The following PXDC1 variants were observed in gnomAD, a reference collection of about 807,000 sequenced individuals.
The protein encoded by PXDC1 is PX domain containing 1.
A neutral mutation model predicts 24.4 loss-of-function variants in PXDC1; 13 were observed. That is an observed-to-expected ratio of 0.53 (90% CI 0.35 to 0.85). The LOEUF (loss-of-function observed/expected upper bound fraction) is 0.85, where lower values mean the gene tolerates loss of function less well. Among genes scored for constraint, PXDC1 ranks in the 40% least tolerant of loss-of-function variants. The probability of loss-of-function intolerance (pLI) is 0.01; values close to 1 mark genes in which losing one functional copy is unlikely to be tolerated. For missense variants in PXDC1, 344 were observed against 309.3 expected, an observed-to-expected ratio of 1.11 and a Z score of -0.84; for synonymous variants, 162 against 124.9, an observed-to-expected ratio of 1.30 and a Z score of -1.98.
intron 1 of PXDC1, chr6:3,750,967 C>G (rs1233699514): frequency 8.8e-6 from 3 of 340,958 alleles, no homozygotes; most frequent in Non-Finnish European, 1.1e-5. Flanking sequence ...GCCCCGGGCG[C>G]CCCCGCCCTC....
rs1271220649 is a variant in PXDC1, at chr6:3,729,382, C to T, written c.467-1720G>A. ...AAAATGTCGATTCATCAGTCAGATTCATCAGGTCATTGCTAAAATTCCACC... is the reference window on the plus strand; with the variant it reads ...AAAATGTCGATTCATCAGTCAGATTTATCAGGTCATTGCTAAAATTCCACC... On this transcript the variant is annotated intron_variant, in intron 3 of 4. Coordinates refer to ENST00000380283, the MANE Select transcript of PXDC1 (RefSeq NM_183373.4). Among the ~76,000 whole-genome samples the T allele has an allele frequency of 2.0e-5, 3 of 152,178 alleles. No individual in the cohort carries two copies. The South Asian group carries it at 6.2e-4, about 32-fold the overall frequency.
chr6:3,744,511 G>A (rs1019081194), intron 1 of PXDC1, among the ~76,000 whole-genome samples: 6 of 152,216 alleles, frequency 3.9e-5, no homozygotes, highest in African/African-American at 1.4e-4. Flanking sequence ...GGGTGAAAGG[G>A]GTTGGGGAAA....
intron 1 of PXDC1, among the ~76,000 whole-genome samples, chr6:3,744,693 G>GTTTT (rs1230965092): frequency 6.6e-6 from 1 of 152,004 alleles, no homozygotes; most frequent in East Asian, 1.9e-4. Context: ...GGCAATTCTT[G>GTTTT]TTTTTATTTA....
chr6:3,748,494 A>G (rs1182104964), intron 1 of PXDC1, among the ~76,000 whole-genome samples: 1 of 152,180 alleles, frequency 6.6e-6, no homozygotes, highest in Non-Finnish European at 1.5e-5. Flanking sequence ...AGGGATTGAC[A>G]TATCCCTGCA....
At chr6:3,739,174 TAA>T (rs1359922073) in intron 1 of PXDC1, 1 of 1,080,986 alleles carries the variant, frequency 9.3e-7, no homozygotes, top group South Asian at 2.6e-5. Context: ...ATAAGAGAGA[TAA>T]AAAAAGATTT....
At position 3,737,912 on chromosome 6, in the gene PXDC1, G is replaced by T. The variant is rs572431884; in HGVS notation, c.348+145C>A. 2.7e-6 allele frequency: 2 copies of T among 738,384 alleles called. No individual in the cohort carries two copies. The highest frequency in any genetic ancestry group is 1.8e-5 in the African/African-American group (1 of 56,648). 45.7% of individuals were successfully genotyped at this position (738,384 alleles called of 1,614,324 possible). On this transcript the variant is annotated intron_variant, in intron 2 of 4. Coordinates refer to ENST00000380283, the MANE Select transcript of PXDC1 (RefSeq NM_183373.4). This position sits in a 1 kb window ranked among gnomAD's most constrained non-coding sequence, Gnocchi z 5.5. ...TGCACACCTCCACTCCGTCCCTATC[G>T]CCTGGTACTACCAGGGAGGGAACAA...
rs116561300 is a variant in PXDC1, at chr6:3,745,397, G to A, written c.256+5879C>T. ...CCCAGCTTGGTGCTGGGCACTCTACGGATACCACTGCTTTCGGTACTCACA... is the reference window on the plus strand; with the variant it reads ...CCCAGCTTGGTGCTGGGCACTCTACAGATACCACTGCTTTCGGTACTCACA... On this transcript the variant is annotated intron_variant, in intron 1 of 4. Transcript: ENST00000380283. 4.7e-3 allele frequency among the ~76,000 whole-genome samples: 717 copies of A among 152,326 alleles called. 6 individuals are homozygous for A. The highest frequency in any genetic ancestry group is 0.016 in the African/African-American group (673 of 41,572).
In PXDC1 at chr6:3,751,365, C is replaced by T; in HGVS notation, c.167G>A (p.Ser56Asn). Residue 56 changes from serine to asparagine, a missense_variant, in exon 1 of 5, where the codon AGC (serine) becomes AAC (asparagine). Coordinates refer to ENST00000380283, the MANE Select transcript of PXDC1 (RefSeq NM_183373.4). ...SDRSVLYLHR[S>N]LADLGRLWQR... The stretch of plus-strand genomic sequence containing the variant: ...CCACAGGCGGCCCAGGTCCGCCAGG[C>T]TGCGGTGCAGGTAGAGCACGCTGCG... 1 of 1,561,214 alleles carries T rather than the reference C, an allele frequency of 6.4e-7. No individual in the cohort carries two copies. Among genetic ancestry groups the T allele is most frequent in the East Asian group, 2.4e-5 (1 of 41,626 alleles).
At chr6:3,750,023 TATAA>T (rs1760664625) in intron 1 of PXDC1, among the ~76,000 whole-genome samples, 1 of 152,252 alleles carries the variant, frequency 6.6e-6, no homozygotes, top group African/African-American at 2.4e-5. Flanking sequence ...GGAGAACAGC[TATAA>T]ATGTGAGGCT....
intron 1 of PXDC1, among the ~76,000 whole-genome samples, chr6:3,745,077 T>C (rs937668195): frequency 1.2e-4 from 18 of 152,204 alleles, no homozygotes; most frequent in Non-Finnish European, 2.5e-4. Context: ...GCACCAATTC[T>C]AGTTTCTGGA....
At chr6:3,739,057 C>G (rs1413818398) in intron 1 of PXDC1, 1 of 1,192,478 alleles carries the variant, frequency 8.4e-7, no homozygotes, top group Admixed American at 3.4e-5. Context: ...TTTGCACCAA[C>G]CTAGTATTAT....
chr6:3,726,304 C>G (rs983132717), intron 4 of PXDC1, among the ~76,000 whole-genome samples: 1 of 152,246 alleles, frequency 6.6e-6, no homozygotes, highest in Non-Finnish European at 1.5e-5. Context: ...ACGGTGCCAG[C>G]CTGTTGGCAT....
At chr6:3,734,801 T>C (rs997899681) in intron 3 of PXDC1, among the ~76,000 whole-genome samples, 2 of 152,060 alleles carry the variant, frequency 1.3e-5, no homozygotes, top group Non-Finnish European at 2.9e-5. Flanking sequence ...AAATCAATCC[T>C]AGGCCGGGCG....
chr6:3,737,939 A>C lies in PXDC1; in HGVS notation c.348+118T>G, dbSNP rs925803516. ...CTGGTACTACCAGGGAGGGAACAAA[A>C]CGGCTAAGTGAGACAGAGCAAGCAA... On this transcript the variant is annotated intron_variant, in intron 2 of 4. Transcript: ENST00000380283. The surrounding 1 kb of genome is among the most constrained non-coding windows in gnomAD (Gnocchi z 5.5). 2 of 861,830 alleles carry C rather than the reference A, an allele frequency of 2.3e-6. No individual in the cohort carries two copies. The highest frequency in any genetic ancestry group is 1.7e-5 in the African/African-American group (1 of 59,350). The allele number at this position is 861,830 out of a possible 1,614,324, so 53.4% of individuals were successfully genotyped here.
At chr6:3,735,765 C>T (rs1006994633) in intron 3 of PXDC1, among the ~76,000 whole-genome samples, 5 of 152,162 alleles carry the variant, frequency 3.3e-5, no homozygotes, top group Non-Finnish European at 7.3e-5. Context: ...TGAATGTTCT[C>T]ACCACAAAGA....
At chr6:3,750,121 G>A (rs1760667884) in intron 1 of PXDC1, among the ~76,000 whole-genome samples, 1 of 152,224 alleles carries the variant, frequency 6.6e-6, no homozygotes, top group African/African-American at 2.4e-5. Flanking sequence ...TCCAAAAGAT[G>A]TGTCATGAGA....
At chr6:3,732,602 G>C (rs543181936) in intron 3 of PXDC1, among the ~76,000 whole-genome samples, 2 of 152,296 alleles carry the variant, frequency 1.3e-5, no homozygotes, top group South Asian at 4.1e-4. Flanking sequence ...ATAAGCATTG[G>C]GACAAAGAAT....
intron 1 of PXDC1, among the ~76,000 whole-genome samples, chr6:3,749,243 A>C (rs1168707146): frequency 6.6e-6 from 1 of 150,790 alleles, no homozygotes; most frequent in Admixed American, 6.6e-5. Flanking sequence ...GAGCAGCTCC[A>C]ACAGTTCCAC....
rs1760111855 is a variant in PXDC1 at position 3,728,223 on chromosome 6, T to G, written c.467-561A>C. Among the ~76,000 whole-genome samples the G allele has an allele frequency of 6.6e-6, 1 of 152,228 alleles. No individual in the cohort carries two copies. The highest frequency in any genetic ancestry group is 2.4e-5 in the African/African-American group (1 of 41,454). ...TCTTTAGCGGTGATTTCTGAGATTT[T>G]GGTGGATCCATCACCCAAGCAGGGT... is the stretch of plus-strand genomic sequence containing the variant. On this transcript the variant is annotated intron_variant, in intron 3 of 4. Coordinates refer to ENST00000380283, the MANE Select transcript of PXDC1 (RefSeq NM_183373.4). This position sits in a 1 kb window ranked among gnomAD's most constrained non-coding sequence, Gnocchi z 4.0.
Sources: gnomAD v4.1 joint callset for allele counts (sites outside exome capture counted in the v4.1 genomes callset) on GRCh38, gnomAD v4.1.1 for gene constraint, Gnocchi (gnomAD v3.1) non-coding constraint, MANE v1.5 for transcripts, NCBI Gene and HGNC (gene_info 2026-07-23, HGNC 2026-07-21) for gene names.